The following ANKRD10 variants were observed in gnomAD, a reference collection of about 807,000 sequenced individuals.
ANKRD10 encodes ankyrin repeat domain-containing protein 10.
ANKRD10 carries 14 observed loss-of-function variants against 27.0 expected under a neutral mutation model. The observed-to-expected ratio is 0.52, with a 90% confidence interval of 0.34 to 0.81. The LOEUF (loss-of-function observed/expected upper bound fraction) is 0.81, where lower values mean the gene tolerates loss of function less well. Among genes scored for constraint, ANKRD10 ranks in the 40% least tolerant of loss-of-function variants. The pLI is 0.01. For synonymous variants in ANKRD10, 250 were observed against 224.5 expected, an observed-to-expected ratio of 1.11 and a Z score of -1.01; for missense variants, 493 against 544.0, an observed-to-expected ratio of 0.91 and a Z score of 0.93.
Position 110,880,161 on chromosome 13 carries a change from G to A in ANKRD10, c.788-49C>T, listed in dbSNP as rs568996757. ...ACCAAAATTCAGAACCAATGAGGGA[G>A]GAGAAACTATAAAATGCTTCACTGC... On this transcript the variant is annotated intron_variant, in intron 5 of 5. Coordinates refer to ENST00000267339, the MANE Select transcript of ANKRD10 (RefSeq NM_017664.4). The A allele has an allele frequency of 3.4e-6, 5 of 1,482,312 alleles. No homozygotes were observed. In the East Asian group the frequency reaches 9.2e-5, roughly 27 times the overall value. 91.8% of individuals were successfully genotyped at this position (1,482,312 alleles called of 1,614,324 possible).
intron 3 of ANKRD10, among the ~76,000 whole-genome samples, chr13:110,902,465 G>A (rs189643030): frequency 9.9e-5 from 15 of 152,140 alleles, no homozygotes; most frequent in Admixed American, 1.3e-4. Context: ...TATTCTTTGT[G>A]GCATTAGAAT....
At chr13:110,905,386 A>G (rs2065502978) in intron 3 of ANKRD10, among the ~76,000 whole-genome samples, 1 of 152,240 alleles carries the variant, frequency 6.6e-6, no homozygotes, top group South Asian at 2.1e-4. Flanking sequence ...AGATTGTCCT[A>G]TCAAAGCATA....
chr13:110,883,867 T>C, intron 4 of ANKRD10, 74 bp from the exon 5 acceptor site: 1 of 1,540,134 alleles, frequency 6.5e-7, no homozygotes, highest in South Asian at 1.2e-5. Context: ...ACAGTTTACA[T>C]TATTTTGTGT....
At position 110,908,115 on chromosome 13, in the gene ANKRD10, C is replaced by T. The variant is rs900079545; in HGVS notation, c.364-1991G>A. Among the ~76,000 whole-genome samples the T allele has an allele frequency of 1.4e-4, 21 of 152,254 alleles. No individual in the cohort carries two copies. In the Middle Eastern group the frequency reaches 0.01, roughly 74 times the overall value. The stretch of plus-strand genomic sequence containing the variant: ...GAAGGTGCCCGGGCCTCCAGCTCAG[C>T]CCAGTCACATCGCAGCCACAGCAAA... On this transcript the variant is annotated intron_variant, in intron 2 of 5. Coordinates refer to ENST00000267339, the MANE Select transcript of ANKRD10 (RefSeq NM_017664.4).
intron 3 of ANKRD10, among the ~76,000 whole-genome samples, chr13:110,899,363 C>A (rs1350226771): frequency 6.6e-6 from 1 of 152,198 alleles, no homozygotes; most frequent in Non-Finnish European, 1.5e-5. Flanking sequence ...GTTTGATGCA[C>A]CTGGATACAT....
intron 4 of ANKRD10, chr13:110,892,756 T>C (rs2065115268): frequency 1.8e-6 from 2 of 1,130,106 alleles, no homozygotes; most frequent in African/African-American, 3.2e-5. Context: ...AATTAAAAAA[T>C]CTAATTCATG....
Position 110,879,380 on chromosome 13 carries a change from A to G in ANKRD10, c.*257T>C. The stretch of plus-strand genomic sequence containing the variant: ...TGACAGTATTAAAAAGACAATGTTG[A>G]GATTGGCATCAGAAAAACTCCAAAA... On this transcript the variant is annotated 3_prime_UTR_variant, in exon 6 of 6. Coordinates refer to ENST00000267339, the MANE Select transcript of ANKRD10 (RefSeq NM_017664.4). 2.2e-6 allele frequency: 1 copy of G among 462,054 alleles called. No homozygotes were observed. Among genetic ancestry groups the G allele is most frequent in the Non-Finnish European group, 3.9e-6 (1 of 257,194 alleles). 28.6% of individuals were successfully genotyped at this position (462,054 alleles called of 1,614,324 possible).
chr13:110,914,655 C>T, intron 1 of ANKRD10, 70 bp downstream of exon 1: 2 of 1,500,138 alleles, frequency 1.3e-6, no homozygotes, highest in Non-Finnish European at 1.8e-6. Flanking sequence ...TCCCCCGCAC[C>T]TCAGACCCGC....
At chr13:110,913,411 C>A (rs1335885213) in intron 1 of ANKRD10, among the ~76,000 whole-genome samples, 2 of 152,184 alleles carry the variant, frequency 1.3e-5, no homozygotes, top group Non-Finnish European at 2.9e-5. Context: ...CCCTGGGCAC[C>A]TGTTTTCTCC....
chr13:110,882,319 T>G (rs968807147), intron 5 of ANKRD10, among the ~76,000 whole-genome samples: 3 of 152,194 alleles, frequency 2.0e-5, no homozygotes, highest in African/African-American at 7.2e-5. Flanking sequence ...CAAAGGACTG[T>G]GAAGGCAGCT....
chr13:110,908,571 T>C (rs2065603041), intron 2 of ANKRD10, among the ~76,000 whole-genome samples: 1 of 152,140 alleles, frequency 6.6e-6, no homozygotes, highest in South Asian at 2.1e-4. Context: ...AAAAATTAAA[T>C]GGACACAACA....
Position 110,879,822 on chromosome 13 carries a change from T to TA in ANKRD10, c.1077_1078insT (p.Ser360Ter). On this transcript the variant is annotated frameshift_variant, in exon 6 of 6. Transcript: ENST00000267339. LOFTEE classifies it low-confidence loss of function (END_TRUNC). ...ATGTCTTCCACCCAGGAAGGCCTACTGGCTATGCAGCTACTTGGACTCCCG... is the reference window on the plus strand; with the variant it reads ...ATGTCTTCCACCCAGGAAGGCCTACTAGGCTATGCAGCTACTTGGACTCCCG... 1 of 1,614,248 alleles carries TA rather than the reference T, an allele frequency of 6.2e-7. No homozygotes were observed. The highest frequency in any genetic ancestry group is 8.5e-7 in the Non-Finnish European group (1 of 1,180,044).
intron 3 of ANKRD10, among the ~76,000 whole-genome samples, chr13:110,893,705 G>A (rs1220466140): frequency 3.3e-5 from 5 of 152,146 alleles, no homozygotes; most frequent in Non-Finnish European, 7.3e-5. Context: ...CAAAGCAATG[G>A]CTCACCAACG....
At chr13:110,903,969 G>A (rs2065457664) in intron 3 of ANKRD10, 1 of 152,178 alleles carries the variant, frequency 6.6e-6, no homozygotes, top group African/African-American at 2.4e-5. Flanking sequence ...CATTATTTTG[G>A]AGATTCAAAC....
At chr13:110,897,278 C>T (rs1290959117) in intron 3 of ANKRD10, among the ~76,000 whole-genome samples, 15 of 146,554 alleles carry the variant, frequency 1.0e-4, no homozygotes. Context: ...CAGGCATGTG[C>T]TACCATGCCT....
intron 2 of ANKRD10, among the ~76,000 whole-genome samples, chr13:110,909,377 A>T (rs2065628875): frequency 1.3e-5 from 2 of 152,166 alleles, no homozygotes; most frequent in South Asian, 4.1e-4. Context: ...AGAAGGAAAA[A>T]CACAAGGCGC....
chr13:110,890,389 G>T (rs1566457352), intron 4 of ANKRD10, among the ~76,000 whole-genome samples: 1 of 152,142 alleles, frequency 6.6e-6, no homozygotes, highest in Non-Finnish European at 1.5e-5. Context: ...TTCCCATAGG[G>T]AAACGAGTGG....
intron 3 of ANKRD10, chr13:110,894,230 TG>T: frequency 6.6e-7 from 1 of 1,519,200 alleles, no homozygotes. Flanking sequence ...TCCTGTTAGC[TG>T]CAGGTTGATA....
chr13:110,884,434 A>G (rs1442924825), intron 4 of ANKRD10, among the ~76,000 whole-genome samples: 1 of 152,202 alleles, frequency 6.6e-6, no homozygotes, highest in African/African-American at 2.4e-5. Flanking sequence ...CCCACGCTGC[A>G]CAAGCACCTC....
Sources: gnomAD v4.1 joint callset for allele counts (sites outside exome capture counted in the v4.1 genomes callset) on GRCh38, gnomAD v4.1.1 for gene constraint, MANE v1.5 for transcripts, NCBI Gene and HGNC (gene_info 2026-07-23, HGNC 2026-07-21) for gene names.